ABCA13: variants seen among roughly 807,000 people sequenced by gnomAD.
ABCA13 encodes the protein ATP binding cassette subfamily A member 13, also known as ATP-binding cassette sub-family A member 13.
ABCA13 carries 476 observed loss-of-function variants against 478.7 expected under a neutral mutation model. The observed-to-expected ratio is 0.99, with a 90% CI of 0.92 to 1.07. The LOEUF is 1.07. ABCA13 is among the 50% of genes least tolerant of loss of function. ABCA13 has a pLI of 0.00. For synonymous variants in ABCA13, 2,252 were observed against 2,158.9 expected (o/e 1.04, Z -1.20); for missense variants, 6,060 against 5,910.6 (o/e 1.03, Z -0.83).
chr7:48,588,921 T>C (rs905699438), intron 57 of ABCA13, among the ~76,000 whole-genome samples: 4 of 152,232 alleles, frequency 2.6e-5, no homozygotes, highest in African/African-American at 9.6e-5. Flanking sequence ...GAGCATTGCA[T>C]GATCACACCT....
At chr7:48,572,166 T>C (rs571816865) in intron 55 of ABCA13, among the ~76,000 whole-genome samples, 1 of 152,056 alleles carries the variant, frequency 6.6e-6, no homozygotes, top group Middle Eastern at 3.2e-3. Context: ...GGTGATGGAG[T>C]GAAACTTTGT....
intron 41 of ABCA13, among the ~76,000 whole-genome samples, chr7:48,415,316 A>T (rs1819827606): frequency 3.3e-5 from 5 of 152,124 alleles, no homozygotes; most frequent in Admixed American, 2.6e-4. Flanking sequence ...AAATAAAATA[A>T]TTTTTTTGGG....
At chr7:48,338,616 C>T (rs1336360600) in intron 29 of ABCA13, among the ~76,000 whole-genome samples, 161 bp downstream of exon 29, 1 of 152,190 alleles carries the variant, frequency 6.6e-6, no homozygotes, top group Non-Finnish European at 1.5e-5. Context: ...AGGGCTTGAA[C>T]TAAATACTCC....
At chr7:48,447,160 T>G (rs1824410076) in intron 42 of ABCA13, among the ~76,000 whole-genome samples, 1 of 152,204 alleles carries the variant, frequency 6.6e-6, no homozygotes, top group Non-Finnish European at 1.5e-5. Context: ...TCATCTTAAA[T>G]GCAGTCATTG....
In ABCA13 at chr7:48,398,579, C is replaced by A. The variant is rs981999043; in HGVS notation, c.11874-5104C>A. ...TCCCTGCTAGAATCTTTAGAGTAAA[C>A]ATGTGTCAAGATTCAGATCATTACT... is the stretch of plus-strand genomic sequence containing the variant. On this transcript the variant is annotated intron_variant, in intron 38 of 61. Coordinates refer to ENST00000435803, the MANE Select transcript of ABCA13 (RefSeq NM_152701.5). 2.5e-4 allele frequency among the ~76,000 whole-genome samples: 38 copies of A among 152,146 alleles called. 1 individual carries two copies. The highest frequency in any genetic ancestry group is 9.2e-4 in the African/African-American group (38 of 41,426).
In ABCA13 at chr7:48,279,606, T is replaced by C. The variant is rs767031271; in HGVS notation, c.8412T>C (p.Ser2804=). The C allele has an allele frequency of 6.2e-7, 1 of 1,613,006 alleles. No individual in the cohort carries two copies. Among genetic ancestry groups the C allele is most frequent in the South Asian group, 1.1e-5 (1 of 90,870 alleles). The change falls in exon 18 of 62, where the codon AGT becomes AGC. Residue 2804 remains serine (S), a synonymous_variant. Coordinates refer to ENST00000435803, the MANE Select transcript of ABCA13 (RefSeq NM_152701.5). ...GTTTATATTTTGACACACCTTTGAG[T>C]CAGAATATAACTCATCATCAACTTG... ...NKSLYFDTPL[S]QNITHHQLEK...
intron 55 of ABCA13, among the ~76,000 whole-genome samples, chr7:48,551,330 C>G (rs886679871): frequency 6.6e-6 from 1 of 151,794 alleles, no homozygotes; most frequent in African/African-American, 2.4e-5. Flanking sequence ...GTAAAATGTA[C>G]ATTTAAACTT....
At chr7:48,225,909 G>A (rs1046715024) in intron 5 of ABCA13, among the ~76,000 whole-genome samples, 10 of 151,998 alleles carry the variant, frequency 6.6e-5, no homozygotes, top group Non-Finnish European at 1.3e-4. Flanking sequence ...TTTTGCCAGT[G>A]GAATATATGA....
chr7:48,359,686 G>A (rs1810514336), intron 31 of ABCA13, among the ~76,000 whole-genome samples: 1 of 151,918 alleles, frequency 6.6e-6, no homozygotes, highest in African/African-American at 2.4e-5. Flanking sequence ...GTGGTGGCTG[G>A]AAATTTGCCT....
intron 48 of ABCA13, among the ~76,000 whole-genome samples, chr7:48,502,387 G>C (rs1041999783): frequency 1.3e-5 from 2 of 152,232 alleles, no homozygotes; most frequent in Admixed American, 1.3e-4. Flanking sequence ...AGCAGTGACT[G>C]TCATGGTTTA....
chr7:48,270,291 C>A (rs1272032081), intron 16 of ABCA13, among the ~76,000 whole-genome samples: 1 of 152,054 alleles, frequency 6.6e-6, no homozygotes, highest in South Asian at 2.1e-4. Context: ...GAAATAATGA[C>A]GTGTACTTCA....
intron 32 of ABCA13, among the ~76,000 whole-genome samples, chr7:48,369,150 A>G (rs1278273348): frequency 6.6e-6 from 1 of 152,118 alleles, no homozygotes; most frequent in Non-Finnish European, 1.5e-5. Context: ...TTCCCTGATA[A>G]TTAGTGACGA....
intron 58 of ABCA13, among the ~76,000 whole-genome samples, chr7:48,608,758 G>T (rs143803416): frequency 2.5e-4 from 38 of 152,336 alleles, no homozygotes; most frequent in African/African-American, 7.5e-4. Flanking sequence ...CTGATTATCA[G>T]TCTTCTTATC....
intron 1 of ABCA13, among the ~76,000 whole-genome samples, chr7:48,190,315 T>C (rs1238649413): frequency 6.6e-6 from 1 of 152,176 alleles, no homozygotes; most frequent in Non-Finnish European, 1.5e-5. Flanking sequence ...TTGAACTGCA[T>C]CTACTTGATT....
chr7:48,643,796 T>A (rs1795267200), intron 60 of ABCA13, among the ~76,000 whole-genome samples: 1 of 152,304 alleles, frequency 6.6e-6, no homozygotes, highest in South Asian at 2.1e-4. Flanking sequence ...ATGCTTGAGA[T>A]CACAATCCTC....
chr7:48,645,423 AT>A lies in ABCA13; in HGVS notation c.15090del (p.Asn5031IlefsTer31). On this transcript the variant is annotated frameshift_variant, in exon 62 of 62. Coordinates refer to ENST00000435803, the MANE Select transcript of ABCA13 (RefSeq NM_152701.5). LOFTEE classifies it low-confidence loss of function (END_TRUNC). The stretch of plus-strand genomic sequence containing the variant: ...TTTTTATGGTTTTTTTCAGGTATTT[AT>A]TAATTTTGCTTCTGAGCAGCAGCAA... ...INQTTLEQVF[I>X]NFASEQQQTL... 1 of 1,563,596 alleles carries A rather than the reference AT, an allele frequency of 6.4e-7. No individual in the cohort carries two copies. Among genetic ancestry groups the A allele is most frequent in the Non-Finnish European group, 8.7e-7 (1 of 1,152,694 alleles).
chr7:48,473,675 A>C (rs1016036112), intron 45 of ABCA13, among the ~76,000 whole-genome samples: 4 of 152,200 alleles, frequency 2.6e-5, no homozygotes, highest in Admixed American at 2.6e-4. Context: ...TAGGGTCCAT[A>C]TAGCGAGCTG....
rs1804864231 is a variant in ABCA13, at chr7:48,329,475, C to T, written c.10000-5947C>T. ...GTGCCCTCTAAATGCCCTGTCTAGC[C>T]ATGTCCTCTGTATGGGAAGGTCAGG... On this transcript the variant is annotated intron_variant, in intron 27 of 61. Coordinates refer to ENST00000435803, the MANE Select transcript of ABCA13 (RefSeq NM_152701.5). Among the ~76,000 whole-genome samples, 3 of 152,274 alleles carry T rather than the reference C, an allele frequency of 2.0e-5. 1 individual carries two copies. In the South Asian group the frequency reaches 6.2e-4, roughly 32 times the overall value.
intron 10 of ABCA13, among the ~76,000 whole-genome samples, chr7:48,243,589 T>A (rs149770777): frequency 2.0e-5 from 3 of 152,220 alleles, no homozygotes; most frequent in Non-Finnish European, 2.9e-5. Flanking sequence ...AGAATTATCA[T>A]TGGGACCTTG....
Sources: gnomAD v4.1 joint callset for allele counts (sites outside exome capture counted in the v4.1 genomes callset) on GRCh38, gnomAD v4.1.1 for gene constraint, MANE v1.5 for transcripts, NCBI Gene and HGNC (gene_info 2026-07-23, HGNC 2026-07-21) for gene names.